Variants in XRCC6 observed in about 807,000 individuals in gnomAD.
The protein encoded by XRCC6 is X-ray repair cross complementing 6, also known as DNA repair protein Ku70.
XRCC6 carries 5 observed loss-of-function variants against 65.7 expected under a neutral mutation model. The ratio of observed to expected loss-of-function variants is 0.08; its 90% CI spans 0.04 to 0.16. The LOEUF is 0.16. Ranked by LOEUF, XRCC6 falls within the 10% of genes least tolerant of loss-of-function variation. The pLI is 1.00. For synonymous variants in XRCC6, 270 were observed against 270.6 expected (o/e 1.00, Z 0.02); for missense variants, 447 against 738.1 (o/e 0.61, Z 4.57).
At chr22:41,628,441 C>T (rs1446584940) in intron 3 of XRCC6, 1 of 402,064 alleles carries the variant, frequency 2.5e-6, no homozygotes, top group South Asian at 3.2e-5. Context: ...ACCTGTAGTC[C>T]TAGCTACTCA....
Position 41,663,659 on chromosome 22 carries a change from G to C in XRCC6, c.1674G>C (p.Glu558Asp). The C allele has an allele frequency of 6.2e-7, 1 of 1,613,938 alleles. No individual in the cohort carries two copies. The change falls in exon 13 of 13, where the codon GAG becomes GAC. Residue 558 changes from glutamate to aspartate, a missense_variant. Physicochemically the swap from Glu to Asp is conservative, Grantham distance 45. Transcript: ENST00000360079. Reference protein sequence around the residue: ...EGSGSKRPKVEYSEEELKTHI... With the variant: ...EGSGSKRPKVDYSEEELKTHI... ...CTGGAAGCAAAAGGCCCAAGGTGGAGTATTCAGAAGAGGAGCTGAAGACCC... is the reference window on the plus strand; with the variant it reads ...CTGGAAGCAAAAGGCCCAAGGTGGACTATTCAGAAGAGGAGCTGAAGACCC...
At chr22:41,639,755 C>T (rs1295406914) in intron 6 of XRCC6, among the ~76,000 whole-genome samples, 5 of 141,114 alleles carry the variant, frequency 3.5e-5, no homozygotes, top group South Asian at 2.2e-4. Flanking sequence ...CTCCGCCTCC[C>T]GGGTTCATGC....
At chr22:41,628,605 C>T (rs1215373503) in intron 3 of XRCC6, among the ~76,000 whole-genome samples, 1 of 152,168 alleles carries the variant, frequency 6.6e-6, no homozygotes, top group East Asian at 1.9e-4. Flanking sequence ...GAGTTGACTA[C>T]TGCCTGTGGT....
intron 12 of XRCC6, among the ~76,000 whole-genome samples, chr22:41,662,383 AAAG>A (rs2068107582): frequency 2.0e-5 from 3 of 152,200 alleles, no homozygotes; most frequent in African/African-American, 7.2e-5. Flanking sequence ...AAATTTTAGA[AAAG>A]AACTGTCTAT....
chr22:41,651,934 C>T (rs1025399106), intron 8 of XRCC6, among the ~76,000 whole-genome samples: 1 of 152,016 alleles, frequency 6.6e-6, no homozygotes, highest in African/African-American at 2.4e-5. Flanking sequence ...CAGGTGCACG[C>T]CACCACGCCC....
At chr22:41,624,434 C>G (rs1468839092) in intron 2 of XRCC6, among the ~76,000 whole-genome samples, 2 of 151,502 alleles carry the variant, frequency 1.3e-5, no homozygotes, top group Non-Finnish European at 2.9e-5. Flanking sequence ...CCTCTATAAT[C>G]CCAGTACTTT....
At chr22:41,658,216 T>G (rs759777154) in intron 10 of XRCC6, 36 bp from the exon 11 acceptor site, 9 of 1,602,062 alleles carry the variant, frequency 5.6e-6, no homozygotes, top group Non-Finnish European at 7.7e-6. Flanking sequence ...GTTTAAATTG[T>G]CATGTTTCAG....
At chr22:41,656,248 C>T (rs1001300836) in intron 9 of XRCC6, among the ~76,000 whole-genome samples, 7 of 149,764 alleles carry the variant, frequency 4.7e-5, no homozygotes, top group Admixed American at 1.3e-4. Context: ...AGGCTGGGCG[C>T]GGTACCTCAC....
chr22:41,638,107 G>C (rs904807460), intron 6 of XRCC6, among the ~76,000 whole-genome samples: 6 of 152,094 alleles, frequency 3.9e-5, no homozygotes, highest in African/African-American at 1.2e-4. Context: ...GTTTATTTCA[G>C]GATAGCAGAA....
At chr22:41,656,378 G>A (rs1248881852) in intron 9 of XRCC6, among the ~76,000 whole-genome samples, 1 of 151,934 alleles carries the variant, frequency 6.6e-6, no homozygotes, top group Non-Finnish European at 1.5e-5. Context: ...AAAATTAGCC[G>A]GGCGTGGTGG....
At chr22:41,637,855 TGG>T (rs1339196889) in intron 6 of XRCC6, 64 bp downstream of exon 6, 3 of 1,527,736 alleles carry the variant, frequency 2.0e-6, no homozygotes, top group Non-Finnish European at 2.6e-6. Flanking sequence ...CTGGGCGCGG[TGG>T]CTCACACCTG....
chr22:41,644,959 C>G (rs2067916567), intron 6 of XRCC6, among the ~76,000 whole-genome samples: 1 of 152,040 alleles, frequency 6.6e-6, no homozygotes, highest in Non-Finnish European at 1.5e-5. Context: ...TCTCTGAGCC[C>G]TCACTTATAG....
intron 7 of XRCC6, among the ~76,000 whole-genome samples, chr22:41,649,126 C>CAAAAAAAAAAAA (rs1335320703): frequency 1.1e-5 from 1 of 90,270 alleles, no homozygotes; most frequent in African/African-American, 4.7e-5. Context: ...GAAGAGAGTA[C>CAAAAAAAAAAAA]AAAAAAAAAA....
At chr22:41,632,133 G>A (rs1181522331) in intron 3 of XRCC6, among the ~76,000 whole-genome samples, 1 of 147,692 alleles carries the variant, frequency 6.8e-6, no homozygotes, top group African/African-American at 2.6e-5. Flanking sequence ...AGAGGGAGAG[G>A]GAGACCGTGG....
At chr22:41,656,856 T>C in intron 9 of XRCC6, 47 bp from the exon 10 acceptor site, 1 of 1,610,250 alleles carries the variant, frequency 6.2e-7, no homozygotes, top group African/African-American at 1.3e-5. Context: ...AACAAGTGAC[T>C]GCAACACTTG....
chr22:41,627,777 G>A, intron 2 of XRCC6, among the ~76,000 whole-genome samples: 1 of 152,184 alleles, frequency 6.6e-6, no homozygotes, highest in Admixed American at 6.5e-5. Context: ...AGGAGGCTGA[G>A]TCAGGATGAT....
intron 8 of XRCC6, 44 bp downstream of exon 8, chr22:41,650,935 C>T (rs1351070800): frequency 1.2e-6 from 2 of 1,608,174 alleles, no homozygotes; most frequent in Admixed American, 3.3e-5. Context: ...ACACACAGTG[C>T]AGTTTACGGA....
intron 2 of XRCC6, among the ~76,000 whole-genome samples, chr22:41,622,842 G>A (rs2067625146): frequency 6.6e-6 from 1 of 151,964 alleles, no homozygotes; most frequent in South Asian, 2.1e-4. Flanking sequence ...CTGCTCGGGA[G>A]GCTGAGGCAG....
At chr22:41,625,258 C>T (rs75018889) in intron 2 of XRCC6, among the ~76,000 whole-genome samples, 104 of 152,288 alleles carry the variant, frequency 6.8e-4, no homozygotes, top group African/African-American at 2.4e-3. Flanking sequence ...GAGCCAAGAT[C>T]GCGTCATCGC....
Sources: gnomAD v4.1 joint callset for allele counts (sites outside exome capture counted in the v4.1 genomes callset) on GRCh38, gnomAD v4.1.1 for gene constraint, MANE v1.5 for transcripts, NCBI Gene and HGNC (gene_info 2026-07-23, HGNC 2026-07-21) for gene names.